Variants in QTMAN observed in about 807,000 individuals in gnomAD.
QTMAN encodes the protein tRNA-queuosine alpha-mannosyltransferase.
the QTMAN span, among the ~76,000 whole-genome samples, chr2:144,095,952 T>C: frequency 6.6e-6 from 1 of 152,058 alleles, no homozygotes. Flanking sequence ...AAAATGTCAC[T>C]CTCCCTTGAA....
chr2:144,141,847 G>A, the QTMAN span: 8 of 1,463,770 alleles, frequency 5.5e-6, no homozygotes, highest in Middle Eastern at 1.8e-4. Context: ...AATAATTTAT[G>A]ACACAATATT....
At chr2:144,209,008 T>C in the QTMAN span, among the ~76,000 whole-genome samples, 1 of 152,228 alleles carries the variant, frequency 6.6e-6, no homozygotes, top group Non-Finnish European at 1.5e-5. Context: ...GAAATAAAGG[T>C]GTCTTTATTT....
the QTMAN span, among the ~76,000 whole-genome samples, chr2:144,284,372 T>A: frequency 6.6e-6 from 1 of 151,966 alleles, no homozygotes; most frequent in African/African-American, 2.4e-5. Context: ...TACACCTACA[T>A]GATATATAAA....
the QTMAN span, among the ~76,000 whole-genome samples, chr2:144,160,438 A>G: frequency 6.6e-6 from 1 of 152,176 alleles, no homozygotes; most frequent in Non-Finnish European, 1.5e-5. Context: ...TGTACAAATA[A>G]GAAAACTGAG....
At chr2:144,032,440 T>C in the QTMAN span, among the ~76,000 whole-genome samples, 1 of 152,194 alleles carries the variant, frequency 6.6e-6, no homozygotes, top group Non-Finnish European at 1.5e-5. Flanking sequence ...CTAGCCAAAA[T>C]GAAAACTTTG....
the QTMAN span, among the ~76,000 whole-genome samples, chr2:144,265,297 C>T: frequency 8.5e-5 from 13 of 152,326 alleles, no homozygotes; most frequent in East Asian, 2.5e-3. Context: ...GGCAGCAATA[C>T]ACCACTTTGC....
the QTMAN span, among the ~76,000 whole-genome samples, chr2:144,037,601 T>C: frequency 6.6e-6 from 1 of 152,202 alleles, no homozygotes; most frequent in Admixed American, 6.5e-5. Context: ...CTCTGTTCTA[T>C]TTTGAAATTT....
At chr2:144,305,473 A>G in the QTMAN span, among the ~76,000 whole-genome samples, 36 of 152,244 alleles carry the variant, frequency 2.4e-4, no homozygotes, top group African/African-American at 8.7e-4. Flanking sequence ...CTATCATTAT[A>G]CCAGTATCGC....
the QTMAN span, among the ~76,000 whole-genome samples, chr2:144,054,661 G>T: frequency 6.6e-6 from 1 of 152,110 alleles, no homozygotes; most frequent in Admixed American, 6.5e-5. Flanking sequence ...CTGGATGATG[G>T]GGCTGACATA....
the QTMAN span, among the ~76,000 whole-genome samples, chr2:144,276,780 T>A: frequency 1.3e-5 from 2 of 152,308 alleles, no homozygotes; most frequent in African/African-American, 4.8e-5. Flanking sequence ...TACACTCGCA[T>A]GGCCTAATAC....
the QTMAN span, among the ~76,000 whole-genome samples, chr2:144,197,398 T>TA: frequency 6.6e-6 from 1 of 152,066 alleles, no homozygotes; most frequent in Non-Finnish European, 1.5e-5. Flanking sequence ...AAAGCAGTAT[T>TA]ACATTAGATT....
the QTMAN span, among the ~76,000 whole-genome samples, chr2:144,077,846 A>C: frequency 9.3e-4 from 142 of 152,346 alleles, no homozygotes; most frequent in Non-Finnish European, 1.9e-3. Flanking sequence ...TTTTCTTTGC[A>C]AATTTTTATC....
At chr2:144,084,611 A>G in the QTMAN span, among the ~76,000 whole-genome samples, 1 of 152,150 alleles carries the variant, frequency 6.6e-6, no homozygotes, top group Non-Finnish European at 1.5e-5. Flanking sequence ...TTTTACAACT[A>G]TTTCTCTGGA....
chr2:144,265,982 C>T, the QTMAN span, among the ~76,000 whole-genome samples: 5 of 152,134 alleles, frequency 3.3e-5, no homozygotes, highest in African/African-American at 1.2e-4. Context: ...ACCATGGCAC[C>T]CTGTATGCTC....
At chr2:144,182,808 A>ATTATATATATATATTATATATATAAT in the QTMAN span, among the ~76,000 whole-genome samples, 1 of 52,504 alleles carries the variant, frequency 1.9e-5, no homozygotes, top group Non-Finnish European at 3.4e-5. Flanking sequence ...TTATATATAT[A>ATTATATATATATATTATATATATAAT]ATATATATAT....
the QTMAN span, chr2:143,946,511 C>G: frequency 1.3e-5 from 2 of 152,808 alleles, no homozygotes; most frequent in African/African-American, 4.8e-5. Context: ...CAATTAATCC[C>G]AAAGCATTCT....
chr2:144,029,924 G>A, the QTMAN span, among the ~76,000 whole-genome samples: 1 of 152,106 alleles, frequency 6.6e-6, no homozygotes, highest in Admixed American at 6.5e-5. Flanking sequence ...GTGAGTGTGT[G>A]TGTACCCATC....
the QTMAN span, chr2:144,142,117 A>C: frequency 8.5e-7 from 1 of 1,177,322 alleles, no homozygotes; most frequent in Non-Finnish European, 1.2e-6. Flanking sequence ...AATTTTTATC[A>C]ACCTAAGACC....
At chr2:144,262,808 G>C in the QTMAN span, among the ~76,000 whole-genome samples, 1 of 78,158 alleles carries the variant, frequency 1.3e-5, no homozygotes, top group Non-Finnish European at 2.5e-5. Context: ...GGTGAGATGG[G>C]AGGAGAGGGG....
Sources: allele counts gnomAD v4.1 joint callset (sites outside exome capture counted in the v4.1 genomes callset), GRCh38; gene constraint gnomAD v4.1.1; transcripts MANE v1.5; gene names NCBI Gene and HGNC (gene_info 2026-07-23, HGNC 2026-07-21).